The following OAS2 variants were observed in gnomAD, a reference collection of about 807,000 sequenced individuals.
OAS2 encodes the protein 2'-5'-oligoadenylate synthetase 2.
OAS2 carries 67 observed loss-of-function variants against 71.3 expected under a neutral mutation model. That is an observed-to-expected ratio of 0.94 (90% CI 0.77 to 1.15). The LOEUF (loss-of-function observed/expected upper bound fraction) is 1.15, where lower values mean the gene tolerates loss of function less well. Among genes scored for constraint, OAS2 ranks in the 50% most tolerant of loss-of-function variants. The pLI, the probability that OAS2 is intolerant of heterozygous loss-of-function variation, is 0.00. For missense variants in OAS2, 789 were observed against 822.5 expected (o/e 0.96, Z 0.50); for synonymous variants, 327 against 321.8 (o/e 1.02, Z -0.17).
chr12:112,996,181 G>A (rs955101918), intron 3 of OAS2, among the ~76,000 whole-genome samples: 2 of 152,008 alleles, frequency 1.3e-5, no homozygotes, highest in African/African-American at 4.8e-5. Flanking sequence ...GCTGCTTTGG[G>A]TCATTTTCAA....
Position 113,011,068 on chromosome 12 carries a change from GT to G in OAS2, c.*1814del, listed in dbSNP as rs2044377152. 6.6e-6 allele frequency: 1 copy of G among 150,996 alleles called. No homozygotes were observed. The highest frequency in any genetic ancestry group is 1.5e-5 in the Non-Finnish European group (1 of 67,826). The allele number at this position is 150,996 out of a possible 1,614,324, so 9.4% of individuals were successfully genotyped here. A position where few individuals can be genotyped will look rare whatever the true frequency, so the allele number is the denominator to read the frequency against. ...CTGCCTTTCTCCCCCCCACCCAGGAGTATCCTCTTGCCAAATCAAAAGACTT... is the reference window on the plus strand; with the variant it reads ...CTGCCTTTCTCCCCCCCACCCAGGAGATCCTCTTGCCAAATCAAAAGACTT... On this transcript the variant is annotated 3_prime_UTR_variant, in exon 10 of 10. Coordinates refer to ENST00000392583, the MANE Select transcript of OAS2 (RefSeq NM_002535.3).
chr12:112,987,203 A>G lies in OAS2; in HGVS notation c.343A>G (p.Lys115Glu), dbSNP rs751716561. ...LKFCLFTKWL[K>E]NNFEIQKSLD... ...GTTCTGTCTGTTCACGAAGTGGTTG[A>G]AAAACAATTTCGAGATCCAGAAGTC... The change falls in exon 2 of 10, where the codon AAA becomes GAA. Residue 115 changes from lysine (K) to glutamate (E), a missense_variant. Lys to Glu is a moderately conservative substitution (Grantham distance 56, BLOSUM62 1). Coordinates refer to ENST00000392583, the MANE Select transcript of OAS2 (RefSeq NM_002535.3). The G allele has an allele frequency of 6.2e-7, 1 of 1,614,214 alleles. No individual in the cohort carries two copies. The highest frequency in any genetic ancestry group is 1.7e-5 in the Admixed American group (1 of 60,020).
At chr12:113,003,183 G>T (rs963696894) in intron 6 of OAS2, 81 bp downstream of exon 6, 8 of 1,431,310 alleles carry the variant, frequency 5.6e-6, no homozygotes, top group Non-Finnish European at 7.8e-6. Context: ...GGGCATTGTA[G>T]CTCTCCAGGA....
chr12:112,978,665 T>G lies in OAS2; in HGVS notation c.57T>G (p.Phe19Leu). The G allele has an allele frequency of 6.2e-7, 1 of 1,614,112 alleles. No homozygotes were observed. The highest frequency in any genetic ancestry group is 8.5e-7 in the Non-Finnish European group (1 of 1,180,006). Residue 19 changes from phenylalanine (F) to leucine (L), a missense_variant, in exon 1 of 10, where the codon TTT becomes TTG. Transcript: ENST00000392583. The surrounding 1 kb of genome is among the most constrained non-coding windows in gnomAD (Gnocchi z 4.2). ...TGCCTGCTCAGAAGCTGGGTTGGTT[T>G]ATCCAGGAATACCTGAAGCCCTACG... ...SSVPAQKLGW[F>L]IQEYLKPYEE...
chr12:112,991,941 A>G (rs1428637805), intron 2 of OAS2, among the ~76,000 whole-genome samples: 11 of 152,132 alleles, frequency 7.2e-5, no homozygotes, highest in Non-Finnish European at 4.4e-5. Context: ...ATGGAGCATG[A>G]TGGATAAATG....
At chr12:113,002,691 G>C (rs539023498) in intron 5 of OAS2, among the ~76,000 whole-genome samples, 9 of 152,302 alleles carry the variant, frequency 5.9e-5, no homozygotes, top group African/African-American at 2.2e-4. Flanking sequence ...TCTCTCCTAG[G>C]GGGAAGGAGG....
intron 1 of OAS2, among the ~76,000 whole-genome samples, chr12:112,981,483 C>A (rs1238751892): frequency 6.6e-6 from 1 of 152,038 alleles, no homozygotes; most frequent in East Asian, 1.9e-4. Flanking sequence ...TATCCTTTCC[C>A]TAATGTGTGT....
At chr12:113,000,724 C>T (rs2044279426) in intron 5 of OAS2, among the ~76,000 whole-genome samples, 1 of 152,104 alleles carries the variant, frequency 6.6e-6, no homozygotes, top group South Asian at 2.1e-4. Flanking sequence ...CACACATGCA[C>T]TCACACACAT....
chr12:112,986,223 C>T (rs569853944), intron 1 of OAS2, among the ~76,000 whole-genome samples: 2 of 152,172 alleles, frequency 1.3e-5, no homozygotes, highest in South Asian at 4.1e-4. Context: ...CCAGTGGTGA[C>T]AGCAGTATGC....
intron 1 of OAS2, among the ~76,000 whole-genome samples, chr12:112,979,111 T>C (rs2044055676): frequency 6.6e-6 from 1 of 152,224 alleles, no homozygotes; most frequent in African/African-American, 2.4e-5. Context: ...GATTACTCAC[T>C]GCGATTTTCT....
At chr12:113,004,125 G>A (rs1050319267) in intron 6 of OAS2, among the ~76,000 whole-genome samples, 4 of 152,184 alleles carry the variant, frequency 2.6e-5, no homozygotes, top group African/African-American at 9.7e-5. Context: ...TCTCTGCTTA[G>A]GCCAGAGGAA....
At position 113,009,452 on chromosome 12, in the gene OAS2, T is replaced by C. The variant is rs970025097; in HGVS notation, c.*197T>C. ...CCCAGATTCATGCACTGTAGGGTGC[T>C]GCGCAGCATCCCTAGTCTCTACCCA... On this transcript the variant is annotated 3_prime_UTR_variant, in exon 10 of 10. Coordinates refer to ENST00000392583, the MANE Select transcript of OAS2 (RefSeq NM_002535.3). 1.4e-6 allele frequency: 2 copies of C among 1,388,956 alleles called. No homozygotes were observed. Among genetic ancestry groups the C allele is most frequent in the African/African-American group, 2.9e-5 (2 of 68,424 alleles). The allele number at this position is 1,388,956 out of a possible 1,614,324, so 86.0% of individuals were successfully genotyped here. A position where few individuals can be genotyped will look rare whatever the true frequency, so the allele number is the denominator to read the frequency against.
At chr12:112,997,956 C>T (rs2044250767) in intron 4 of OAS2, among the ~76,000 whole-genome samples, 1 of 152,202 alleles carries the variant, frequency 6.6e-6, no homozygotes, top group East Asian at 1.9e-4. Flanking sequence ...ACCATAGTCA[C>T]ATTTTGTCCC....
chr12:113,005,458 G>A (rs2044323487), intron 7 of OAS2, among the ~76,000 whole-genome samples: 1 of 152,076 alleles, frequency 6.6e-6, no homozygotes, highest in South Asian at 2.1e-4. Context: ...ACTGAGGCAG[G>A]AGAATTGCTT....
chr12:112,991,521 T>A (rs200629605), intron 2 of OAS2, among the ~76,000 whole-genome samples: 2,282 of 140,324 alleles, frequency 0.016, 159 homozygotes, highest in Admixed American at 0.13. Context: ...AATGGTTCAC[T>A]CCGGAAAGGC....
chr12:113,009,763 G>A lies in OAS2; in HGVS notation c.*508G>A. ...CCATTTCATTGCTCAGAAATGTCAT[G>A]TGGCTACCTGTAACTTGAAGGTGGC... On this transcript the variant is annotated 3_prime_UTR_variant, in exon 10 of 10. Coordinates refer to ENST00000392583, the MANE Select transcript of OAS2 (RefSeq NM_002535.3). 1 of 987,384 alleles carries A rather than the reference G, an allele frequency of 1.0e-6. No homozygotes were observed. 61.2% of individuals were successfully genotyped at this position (987,384 alleles called of 1,614,324 possible). A position where few individuals can be genotyped will look rare whatever the true frequency, so the allele number is the denominator to read the frequency against.
chr12:113,004,168 C>T (rs1326376231), intron 6 of OAS2, among the ~76,000 whole-genome samples: 2 of 152,176 alleles, frequency 1.3e-5, no homozygotes, highest in Non-Finnish European at 2.9e-5. Context: ...GAAGGGGCTA[C>T]AGTCTGAGAG....
Position 112,997,594 on chromosome 12 carries a change from A to G in OAS2, c.702A>G (p.Glu234=). Reference sequence around the variant, plus strand: ...AGCTGCTTACGGTGTATGCCTGGGAACAGGGGTGCAGAAAAGACAACTTTG... The same window carrying G: ...AGCTGCTTACGGTGTATGCCTGGGAGCAGGGGTGCAGAAAAGACAACTTTG... The part of the protein sequence containing the change: ...ALELLTVYAW[E]QGCRKDNFDI... Residue 234 remains glutamate (E), a synonymous_variant, in exon 4 of 10, where the codon GAA becomes GAG. Coordinates refer to ENST00000392583, the MANE Select transcript of OAS2 (RefSeq NM_002535.3). 6.2e-7 allele frequency: 1 copy of G among 1,614,118 alleles called. No individual in the cohort carries two copies. Among genetic ancestry groups the G allele is most frequent in the Non-Finnish European group, 8.5e-7 (1 of 1,179,998 alleles).
intron 5 of OAS2, among the ~76,000 whole-genome samples, chr12:113,000,060 T>G (rs1477481964): frequency 6.6e-6 from 1 of 152,182 alleles, no homozygotes; most frequent in African/African-American, 2.4e-5. Flanking sequence ...TTATAGTTGT[T>G]GTTTATACTG....
Sources: gnomAD v4.1 joint callset for allele counts (sites outside exome capture counted in the v4.1 genomes callset) on GRCh38, gnomAD v4.1.1 for gene constraint, Gnocchi (gnomAD v3.1) non-coding constraint, MANE v1.5 for transcripts, NCBI Gene and HGNC (gene_info 2026-07-23, HGNC 2026-07-21) for gene names.